The following HSPA4L variants were observed in gnomAD, a reference collection of about 807,000 sequenced individuals.
HSPA4L encodes heat shock 70 kDa protein 4L.
Under a neutral mutation model 100.3 loss-of-function variants are expected in HSPA4L, and 48 were observed. The observed-to-expected ratio is 0.48, with a 90% CI of 0.38 to 0.61. The LOEUF is 0.61. HSPA4L is among the 20% of genes least tolerant of loss of function. The pLI, the probability that HSPA4L is intolerant of heterozygous loss-of-function variation, is 0.00. For synonymous variants in HSPA4L, 319 were observed against 328.2 expected, an observed-to-expected ratio of 0.97 and a Z score of 0.30; for missense variants, 886 against 988.6, an observed-to-expected ratio of 0.90 and a Z score of 1.39.
intron 17 of HSPA4L, among the ~76,000 whole-genome samples, chr4:127,830,421 G>C (rs1214191157): frequency 2.6e-5 from 4 of 152,038 alleles, no homozygotes; most frequent in African/African-American, 9.7e-5. Context: ...TCCCAAACCT[G>C]ATTTCTTCAG....
At chr4:127,800,504 T>C (rs1211209070) in intron 4 of HSPA4L, among the ~76,000 whole-genome samples, 1 of 152,156 alleles carries the variant, frequency 6.6e-6, no homozygotes, top group African/African-American at 2.4e-5. Flanking sequence ...TATATATGTA[T>C]GTGTGTATGT....
chr4:127,823,818 A>G (rs1432804243), intron 16 of HSPA4L, among the ~76,000 whole-genome samples, 194 bp downstream of exon 16: 1 of 152,202 alleles, frequency 6.6e-6, no homozygotes, highest in Non-Finnish European at 1.5e-5. Context: ...TAACAAATGC[A>G]TTACCTCACA....
At chr4:127,806,058 A>T (rs1183948455) in intron 10 of HSPA4L, among the ~76,000 whole-genome samples, 2 of 151,962 alleles carry the variant, frequency 1.3e-5, no homozygotes, top group Non-Finnish European at 2.9e-5. Flanking sequence ...CATTTGTCAT[A>T]TTCTCTCTTA....
intron 11 of HSPA4L, among the ~76,000 whole-genome samples, chr4:127,809,818 T>C (rs1302964552): frequency 6.6e-6 from 1 of 152,204 alleles, no homozygotes; most frequent in South Asian, 2.1e-4. Context: ...CCAAGAATCA[T>C]TTATAGTACT....
rs916017133 is a variant in HSPA4L, at chr4:127,836,684, A to C, written c.*3810A>C. The C allele has an allele frequency of 2.0e-5, 3 of 152,046 alleles. No homozygotes were observed. The highest frequency in any genetic ancestry group is 1.3e-4 in the Admixed American group (2 of 15,258). 9.4% of individuals were successfully genotyped at this position (152,046 alleles called of 1,614,324 possible). A position where few individuals can be genotyped will look rare whatever the true frequency, so the allele number is the denominator to read the frequency against. On this transcript the variant is annotated 3_prime_UTR_variant, in exon 19 of 19. Coordinates refer to ENST00000296464, the MANE Select transcript of HSPA4L (RefSeq NM_014278.4). The stretch of plus-strand genomic sequence containing the variant: ...GTTTTGAAAAATCTATATTTATTAA[A>C]GGTAGTAGACATTTGAATATAGTAA...
intron 1 of HSPA4L, among the ~76,000 whole-genome samples, chr4:127,782,940 C>A (rs1204955561): frequency 2.6e-5 from 4 of 152,166 alleles, no homozygotes; most frequent in Non-Finnish European, 4.4e-5. Context: ...TGCCGCTGTC[C>A]CCCAACGCCT....
intron 1 of HSPA4L, among the ~76,000 whole-genome samples, chr4:127,792,003 G>A (rs1051994856): frequency 1.3e-5 from 2 of 152,152 alleles, no homozygotes; most frequent in African/African-American, 4.8e-5. Flanking sequence ...CTGTTAAATT[G>A]ACTAAATTAA....
At chr4:127,828,785 A>AC (rs377345166) in intron 17 of HSPA4L, among the ~76,000 whole-genome samples, 4 of 152,230 alleles carry the variant, frequency 2.6e-5, no homozygotes, top group Middle Eastern at 3.4e-3. Flanking sequence ...CAATGAAAAC[A>AC]CCAAGAATAT....
At chr4:127,830,886 CAGA>C in intron 18 of HSPA4L, 87 bp downstream of exon 18, 1 of 824,826 alleles carries the variant, frequency 1.2e-6, no homozygotes, top group South Asian at 3.1e-5. Context: ...AATCAACTTG[CAGA>C]AGAACTTAGA....
In HSPA4L at chr4:127,811,495, G is replaced by C; in HGVS notation, c.1437G>C (p.Lys479Asn). Residue 479 changes from lysine to asparagine, a missense_variant, in exon 12 of 19, where the codon AAG becomes AAC. Coordinates refer to ENST00000296464, the MANE Select transcript of HSPA4L (RefSeq NM_014278.4). ...PQSDGDSSKV[K>N]VKVRVNIHGI... Reference sequence around the variant, plus strand: ...CTGATGGTGATAGTTCCAAAGTGAAGGTTAAAGTTCGTGTTAACATCCATG... The same window carrying C: ...CTGATGGTGATAGTTCCAAAGTGAACGTTAAAGTTCGTGTTAACATCCATG... 1 of 1,613,976 alleles carries C rather than the reference G, an allele frequency of 6.2e-7. No individual in the cohort carries two copies. Among genetic ancestry groups the C allele is most frequent in the Non-Finnish European group, 8.5e-7 (1 of 1,179,968 alleles).
chr4:127,824,906 G>A (rs1733904087), intron 16 of HSPA4L, among the ~76,000 whole-genome samples: 1 of 152,188 alleles, frequency 6.6e-6, no homozygotes, highest in Non-Finnish European at 1.5e-5. Context: ...GGAGGCCGAG[G>A]CGGGCGGATC....
At chr4:127,818,663 A>T (rs1055124591) in intron 13 of HSPA4L, among the ~76,000 whole-genome samples, 3 of 152,144 alleles carry the variant, frequency 2.0e-5, no homozygotes, top group African/African-American at 7.2e-5. Context: ...ATTTTTCATT[A>T]ACTTTTTTTT....
At position 127,782,435 on chromosome 4, in the gene HSPA4L, G is replaced by T. The variant is rs994983207; in HGVS notation, c.-116G>T. 3 of 795,050 alleles carry T rather than the reference G, an allele frequency of 3.8e-6. No individual in the cohort carries two copies. Among genetic ancestry groups the T allele is most frequent in the Non-Finnish European group, 6.4e-6 (3 of 467,062 alleles). 49.2% of individuals were successfully genotyped at this position (795,050 alleles called of 1,614,324 possible). On this transcript the variant is annotated 5_prime_UTR_variant, in exon 1 of 19. Transcript: ENST00000296464. ...TAGATTTTCTGCTTAGCGACTTGGG[G>T]TCCCCTCTCGTTTGCTTCTGGTAGG...
chr4:127,803,505 G>C, intron 6 of HSPA4L, 124 bp from the exon 7 acceptor site: 2 of 887,964 alleles, frequency 2.3e-6, no homozygotes, highest in Non-Finnish European at 3.3e-6. Flanking sequence ...CAGCACCCCT[G>C]TGATTGGACA....
intron 12 of HSPA4L, chr4:127,812,695 TTA>T: frequency 2.3e-5 from 19 of 831,846 alleles, no homozygotes; most frequent in South Asian, 5.9e-5. Context: ...CAGAGGTCCT[TTA>T]TTTTTTTTTT....
At chr4:127,830,153 A>G (rs529779001) in intron 17 of HSPA4L, among the ~76,000 whole-genome samples, 1 of 152,220 alleles carries the variant, frequency 6.6e-6, no homozygotes, top group Admixed American at 6.5e-5. Context: ...TTTCTTTGTG[A>G]TTCTGTCACT....
intron 14 of HSPA4L, 134 bp downstream of exon 14, chr4:127,820,699 T>C: frequency 1.3e-6 from 1 of 765,648 alleles, no homozygotes; most frequent in Non-Finnish European, 2.1e-6. Context: ...ATTACTAAAC[T>C]ATTTTTTACA....
At position 127,821,310 on chromosome 4, in the gene HSPA4L, T is replaced by G. The variant is rs1733807673; in HGVS notation, c.1812+745T>G. 2.6e-5 allele frequency among the ~76,000 whole-genome samples: 4 copies of G among 152,240 alleles called. No homozygotes were observed. The South Asian group carries it at 8.3e-4, about 32-fold the overall frequency. ...GAAAAATTTTCCCAAAGGAATGAAT[T>G]GTAGGGAAGCACAGTTTTGGGAAAT... is the stretch of plus-strand genomic sequence containing the variant. On this transcript the variant is annotated intron_variant, in intron 14 of 18. Transcript: ENST00000296464.
intron 12 of HSPA4L, among the ~76,000 whole-genome samples, chr4:127,817,553 A>C (rs543837470): frequency 1.3e-5 from 2 of 152,264 alleles, no homozygotes; most frequent in South Asian, 4.2e-4. Flanking sequence ...TTATTTGCCA[A>C]GTGGAGAGTT....
Sources: gnomAD v4.1 joint callset for allele counts (sites outside exome capture counted in the v4.1 genomes callset) on GRCh38, gnomAD v4.1.1 for gene constraint, MANE v1.5 for transcripts, NCBI Gene and HGNC (gene_info 2026-07-23, HGNC 2026-07-21) for gene names.